LIMS1: variants seen among roughly 807,000 people sequenced by gnomAD.
LIMS1 encodes LIM zinc finger domain containing 1.
A neutral mutation model predicts 44.1 loss-of-function variants in LIMS1; 18 were observed. The observed-to-expected ratio is 0.41, with a 90% CI of 0.28 to 0.61. LIMS1 has a LOEUF of 0.61. Among genes scored for constraint, LIMS1 ranks in the 20% least tolerant of loss-of-function variants. LIMS1 has a pLI of 0.32. For missense variants in LIMS1, 201 were observed against 422.0 expected (o/e 0.48, Z 4.59); for synonymous variants, 93 against 149.1 (o/e 0.62, Z 2.74).
At chr2:108,592,664 T>G (rs1323550507) in intron 1 of LIMS1, among the ~76,000 whole-genome samples, 1 of 152,198 alleles carries the variant, frequency 6.6e-6, no homozygotes, top group Admixed American at 6.5e-5. Context: ...CACTTGTTCT[T>G]TATTCATTGA....
At position 108,582,305 on chromosome 2, in the gene LIMS1, A is replaced by G. The variant is rs75412740; in HGVS notation, c.32+47711A>G. On this transcript the variant is annotated intron_variant, in intron 1 of 9. Coordinates refer to ENST00000544547, the Ensembl canonical transcript of LIMS1. ...TCGATGGTTTCAGGAAAGGGGTACC[A>G]TAGGCACTAAATGGCCTGAGGCCAG... 2.6e-3 allele frequency among the ~76,000 whole-genome samples: 391 copies of G among 152,366 alleles called. 2 individuals carry two copies. The highest frequency in any genetic ancestry group is 4.3e-3 in the Non-Finnish European group (290 of 68,034).
At chr2:108,594,170 A>G (rs1686546654) in intron 1 of LIMS1, among the ~76,000 whole-genome samples, 1 of 152,194 alleles carries the variant, frequency 6.6e-6, no homozygotes, top group African/African-American at 2.4e-5. Flanking sequence ...TAGGAGTAAA[A>G]AATTCAGCTG....
At chr2:108,548,196 C>G (rs1421385071) in intron 1 of LIMS1, among the ~76,000 whole-genome samples, 1 of 151,910 alleles carries the variant, frequency 6.6e-6, no homozygotes, top group Non-Finnish European at 1.5e-5. Flanking sequence ...ACTAGGTTAC[C>G]TGGTTAATAA....
Position 108,621,375 on chromosome 2 carries a change from A to G in LIMS1, c.33-38230A>G, listed in dbSNP as rs1046394148. ...GAAGTATGACTGCATTACAGCTTAAAGAGCTTTCACATTCAGGTCTCTACA... is the reference window on the plus strand; with the variant it reads ...GAAGTATGACTGCATTACAGCTTAAGGAGCTTTCACATTCAGGTCTCTACA... On this transcript the variant is annotated intron_variant, in intron 1 of 9. Coordinates refer to ENST00000544547, the Ensembl canonical transcript of LIMS1. 6.4e-6 allele frequency: 10 copies of G among 1,550,776 alleles called. No individual in the cohort carries two copies. The African/African-American group carries it at 1.2e-4, about 19-fold the overall frequency.
chr2:108,602,221 A>G (rs1687056422), intron 1 of LIMS1, among the ~76,000 whole-genome samples: 1 of 152,250 alleles, frequency 6.6e-6, no homozygotes, highest in Non-Finnish European at 1.5e-5. Context: ...GTTTTTCCAA[A>G]TATAAAATCA....
At chr2:108,544,792 G>T (rs1410491619) in intron 1 of LIMS1, among the ~76,000 whole-genome samples, 2 of 152,104 alleles carry the variant, frequency 1.3e-5, no homozygotes, top group African/African-American at 4.8e-5. Flanking sequence ...ACCACACTGG[G>T]CCAGCCTCAA....
chr2:108,578,671 G>C (rs998861051), intron 1 of LIMS1, among the ~76,000 whole-genome samples: 1 of 137,732 alleles, frequency 7.3e-6, no homozygotes, highest in Non-Finnish European at 1.5e-5. Context: ...TCAGCTCACT[G>C]CAAGCTCCAC....
intron 1 of LIMS1, among the ~76,000 whole-genome samples, chr2:108,551,440 GTATA>G (rs1052720007): frequency 7.3e-6 from 1 of 136,888 alleles, no homozygotes; most frequent in African/African-American, 2.7e-5. Context: ...AGTATATATA[GTATA>G]TATAATATAT....
At chr2:108,684,163 G>A (rs985885044) in exon 10 of LIMS1, 24 of 410,312 alleles carry the variant, frequency 5.8e-5, no homozygotes, top group Non-Finnish European at 1.1e-4. Flanking sequence ...TCATATAATC[G>A]TGTTTAAAAC....
chr2:108,622,630 C>T (rs1688312893), intron 1 of LIMS1, among the ~76,000 whole-genome samples: 1 of 152,066 alleles, frequency 6.6e-6, no homozygotes, highest in Non-Finnish European at 1.5e-5. Context: ...TTAAAAGTCT[C>T]AGAGTTTAAA....
chr2:108,652,189 AG>A (rs1444077182), intron 1 of LIMS1, among the ~76,000 whole-genome samples: 1 of 151,822 alleles, frequency 6.6e-6, no homozygotes, highest in Non-Finnish European at 1.5e-5. Context: ...CATACAACTC[AG>A]CAATTTTACT....
intron 9 of LIMS1, among the ~76,000 whole-genome samples, chr2:108,682,041 CTCTT>C (rs1693039257): frequency 6.6e-6 from 1 of 152,136 alleles, no homozygotes; most frequent in South Asian, 2.1e-4. Flanking sequence ...TGTCTTCAAA[CTCTT>C]TTTTTATTCC....
intron 1 of LIMS1, among the ~76,000 whole-genome samples, chr2:108,553,475 A>G (rs989234912): frequency 5.3e-5 from 8 of 152,208 alleles, no homozygotes; most frequent in Non-Finnish European, 7.3e-5. Flanking sequence ...TCTCTAGGAA[A>G]GGCCCAGGAT....
intron 1 of LIMS1, among the ~76,000 whole-genome samples, chr2:108,633,946 C>T (rs1395713192): frequency 1.3e-5 from 2 of 152,256 alleles, no homozygotes; most frequent in East Asian, 3.9e-4. Context: ...TTTCTCCCAC[C>T]AAGCTTTTCT....
exon 1 of LIMS1, chr2:108,534,576 C>A: frequency 8.4e-7 from 1 of 1,187,648 alleles, no homozygotes; most frequent in South Asian, 3.6e-5. Flanking sequence ...CTGGGCGTGG[C>A]GGCCGGGATG....
At chr2:108,679,032 T>C (rs539435002) in intron 8 of LIMS1, among the ~76,000 whole-genome samples, 1 of 152,310 alleles carries the variant, frequency 6.6e-6, no homozygotes, top group Non-Finnish European at 1.5e-5. Flanking sequence ...ATCCAGGGGC[T>C]GGATCCAAAC....
chr2:108,623,145 G>C (rs1259881841), intron 1 of LIMS1, among the ~76,000 whole-genome samples: 1 of 151,914 alleles, frequency 6.6e-6, no homozygotes, highest in African/African-American at 2.4e-5. Flanking sequence ...CTAATGTAGA[G>C]AAAATGATCA....
chr2:108,549,275 GTTTC>G (rs1684596953), intron 1 of LIMS1, among the ~76,000 whole-genome samples: 1 of 86,494 alleles, frequency 1.2e-5, no homozygotes. Flanking sequence ...CAAGTAAAGT[GTTTC>G]TTTTTTTTTT....
At chr2:108,572,082 A>G (rs1047024677) in intron 1 of LIMS1, among the ~76,000 whole-genome samples, 1 of 152,186 alleles carries the variant, frequency 6.6e-6, no homozygotes, top group Non-Finnish European at 1.5e-5. Context: ...TGGTTGTGTC[A>G]TGAGTGGCCT....
Sources: allele counts gnomAD v4.1 joint callset (sites outside exome capture counted in the v4.1 genomes callset), GRCh38; gene constraint gnomAD v4.1.1; transcripts MANE v1.5; gene names NCBI Gene and HGNC (gene_info 2026-07-23, HGNC 2026-07-21).